The following TMEM178A variants were observed in gnomAD, a reference collection of about 807,000 sequenced individuals.
The protein encoded by TMEM178A is transmembrane protein 178A.
Under a neutral mutation model 29.1 loss-of-function variants are expected in TMEM178A, and 12 were observed. The ratio of observed to expected loss-of-function variants is 0.41; its 90% CI spans 0.26 to 0.67. The LOEUF (loss-of-function observed/expected upper bound fraction) is 0.67. Ranked by LOEUF, TMEM178A falls within the 30% of genes least tolerant of loss-of-function variation. The pLI, the probability that TMEM178A is intolerant of heterozygous loss-of-function variation, is 0.29. For synonymous variants in TMEM178A, 210 were observed against 187.2 expected, an observed-to-expected ratio of 1.12 and a Z score of -0.99; for missense variants, 366 against 419.1, an observed-to-expected ratio of 0.87 and a Z score of 1.11.
intron 1 of TMEM178A, among the ~76,000 whole-genome samples, chr2:39,673,176 T>C (rs1218860041): frequency 2.6e-5 from 4 of 152,146 alleles, no homozygotes; most frequent in Non-Finnish European, 5.9e-5. Flanking sequence ...CCTTGGAGCA[T>C]GAGAGAGTCC....
At chr2:39,732,711 G>A in the TMEM178A span, among the ~76,000 whole-genome samples, 1 of 152,170 alleles carries the variant, frequency 6.6e-6, no homozygotes, top group Non-Finnish European at 1.5e-5. Context: ...ACACCCTCCA[G>A]GTCTGCCCCA....
chr2:39,726,571 C>G, the TMEM178A span, among the ~76,000 whole-genome samples: 1 of 152,150 alleles, frequency 6.6e-6, no homozygotes, highest in South Asian at 2.1e-4. Context: ...ATCTGGCTTA[C>G]AGAAAAACAG....
Position 39,717,284 on chromosome 2 carries a change from G to T in TMEM178A, c.*33G>T. ...CACTGGGCCTGTCCACAGTGCGAGCGACTCCTGAGGGGAACAGCGCGGAGT... is the reference window on the plus strand; with the variant it reads ...CACTGGGCCTGTCCACAGTGCGAGCTACTCCTGAGGGGAACAGCGCGGAGT... On this transcript the variant is annotated 3_prime_UTR_variant, in exon 4 of 4. Coordinates refer to ENST00000281961, the MANE Select transcript of TMEM178A (RefSeq NM_152390.3). 1.9e-6 allele frequency: 3 copies of T among 1,603,586 alleles called. No individual in the cohort carries two copies. The South Asian group carries it at 3.3e-5, about 18-fold the overall frequency.
intron 2 of TMEM178A, among the ~76,000 whole-genome samples, chr2:39,706,599 A>G (rs189732037): frequency 4.8e-4 from 73 of 151,730 alleles, no homozygotes; most frequent in Non-Finnish European, 1.6e-4. Context: ...AAGTACAGCC[A>G]CTACCAGGGT....
intron 1 of TMEM178A, among the ~76,000 whole-genome samples, chr2:39,694,779 C>G (rs1671467872): frequency 6.6e-6 from 1 of 152,142 alleles, no homozygotes; most frequent in African/African-American, 2.4e-5. Context: ...TTAATCTCAC[C>G]TATTTTTCAA....
intron 1 of TMEM178A, among the ~76,000 whole-genome samples, chr2:39,673,853 A>T (rs1418163342): frequency 6.6e-6 from 1 of 152,214 alleles, no homozygotes; most frequent in Admixed American, 6.5e-5. Flanking sequence ...TTCACTCAAC[A>T]ATCATCAACA....
At chr2:39,686,074 C>A (rs1671065363) in intron 1 of TMEM178A, among the ~76,000 whole-genome samples, 1 of 152,228 alleles carries the variant, frequency 6.6e-6, no homozygotes, top group Non-Finnish European at 1.5e-5. Flanking sequence ...TTGCATTGCC[C>A]TACACACATG....
the TMEM178A span, among the ~76,000 whole-genome samples, chr2:39,728,419 T>G: frequency 4.6e-5 from 7 of 152,230 alleles, no homozygotes; most frequent in Non-Finnish European, 5.9e-5. Flanking sequence ...AGGCATTTAT[T>G]TATTCTCTCC....
chr2:39,665,676 G>C (rs1479487999), upstream of TMEM178A: 6 of 303,004 alleles, frequency 2.0e-5, no homozygotes, highest in Non-Finnish European at 2.4e-5. Flanking sequence ...GCGGGGTGGG[G>C]GGCGCCGGGG....
chr2:39,685,332 T>G (rs891448105), intron 1 of TMEM178A, among the ~76,000 whole-genome samples: 1 of 152,210 alleles, frequency 6.6e-6, no homozygotes, highest in African/African-American at 2.4e-5. Flanking sequence ...ATCATCTTGC[T>G]TATCCTGGGG....
At chr2:39,708,479 C>T (rs866734803) in intron 3 of TMEM178A, among the ~76,000 whole-genome samples, 16 of 122,942 alleles carry the variant, frequency 1.3e-4, no homozygotes, top group Non-Finnish European at 2.5e-4. Flanking sequence ...AGTGCAGTGG[C>T]GCGATCTCGA....
In TMEM178A at chr2:39,686,963, ATGTGTGTGTGTGTGTGTGTGTGTGTGTG is replaced by A. The variant is rs4015737; in HGVS notation, c.401-17092_401-17065del. ...TGGCAGAGTATATGTGCACATATGC[ATGTGTGTGTGTGTGTGTGTGTGTGTGTG>A]TGTGTGTGTGTGTGTGTGTGTGTGT... On this transcript the variant is annotated intron_variant, in intron 1 of 3. Coordinates refer to ENST00000281961, the MANE Select transcript of TMEM178A (RefSeq NM_152390.3). 1.3e-4 allele frequency among the ~76,000 whole-genome samples: 16 copies of A among 120,330 alleles called. No individual in the cohort carries two copies. In the East Asian group the frequency reaches 1.8e-3, roughly 13 times the overall value. 78.9% of individuals were successfully genotyped at this position (120,330 alleles called of 152,430 possible). A position where few individuals can be genotyped will look rare whatever the true frequency, so the allele number is the denominator to read the frequency against.
chr2:39,668,468 T>C (rs1390934608), intron 1 of TMEM178A, among the ~76,000 whole-genome samples: 3 of 152,248 alleles, frequency 2.0e-5, no homozygotes, highest in Non-Finnish European at 4.4e-5. Context: ...GCTCTGTTGC[T>C]AAATTGCAGT....
chr2:39,730,803 T>C, the TMEM178A span, among the ~76,000 whole-genome samples: 2 of 152,244 alleles, frequency 1.3e-5, no homozygotes, highest in African/African-American at 4.8e-5. Context: ...GCAAACATTT[T>C]AATAGCGTAA....
downstream of TMEM178A, among the ~76,000 whole-genome samples, chr2:39,721,985 CAAAAAAAAAAAAAA>C (rs57605942): frequency 7.5e-5 from 3 of 40,092 alleles, 1 homozygote; most frequent in South Asian, 2.5e-3. Context: ...AGACCAGTCT[CAAAAAAAAAAAAAA>C]AAAAAAAAAA....
intron 1 of TMEM178A, among the ~76,000 whole-genome samples, chr2:39,672,679 TGC>T (rs1670455246): frequency 1.3e-5 from 2 of 151,970 alleles, no homozygotes; most frequent in African/African-American, 4.8e-5. Flanking sequence ...TACAGGTGTG[TGC>T]TAGCACACCT....
chr2:39,684,275 T>A (rs534496495), intron 1 of TMEM178A, among the ~76,000 whole-genome samples: 30 of 152,330 alleles, frequency 2.0e-4, no homozygotes, highest in South Asian at 1.7e-3. Context: ...TCATGGAGTT[T>A]AAATTTTTTT....
chr2:39,697,128 A>T (rs1572676803), intron 1 of TMEM178A, among the ~76,000 whole-genome samples: 1 of 152,162 alleles, frequency 6.6e-6, no homozygotes, highest in African/African-American at 2.4e-5. Flanking sequence ...TTAACATAAC[A>T]CTGCATGGAA....
intron 2 of TMEM178A, 63 bp downstream of exon 2, chr2:39,704,257 C>A (rs1488359958): frequency 7.4e-7 from 1 of 1,359,362 alleles, no homozygotes; most frequent in Non-Finnish European, 1.0e-6. Flanking sequence ...ATTCCCACCA[C>A]CCCTCTCACA....
Sources: allele counts gnomAD v4.1 joint callset (sites outside exome capture counted in the v4.1 genomes callset), GRCh38; gene constraint gnomAD v4.1.1; transcripts MANE v1.5; gene names NCBI Gene and HGNC (gene_info 2026-07-23, HGNC 2026-07-21).